The following FETUB variants were observed in gnomAD, a reference collection of about 807,000 sequenced individuals.
FETUB encodes fetuin B.
FETUB carries 28 observed loss-of-function variants against 30.9 expected under a neutral mutation model. That is an observed-to-expected ratio of 0.90 (90% CI 0.67 to 1.24). The LOEUF is 1.24. Ranked by LOEUF, FETUB falls within the 50% of genes most tolerant of loss-of-function variation. The pLI is 0.00. For missense variants in FETUB, 469 were observed against 455.3 expected, an observed-to-expected ratio of 1.03 and a Z score of -0.27; for synonymous variants, 186 against 175.9, an observed-to-expected ratio of 1.06 and a Z score of -0.45.
chr3:186,651,103 C>A, intron 5 of FETUB, 115 bp from the exon 6 acceptor site: 1 of 699,234 alleles, frequency 1.4e-6, no homozygotes, highest in Non-Finnish European at 2.6e-6. Context: ...CTACCTGTTA[C>A]ATAGTAGAAG....
rs774449728 is a variant in FETUB, at chr3:186,652,416, G to A, written c.934G>A (p.Asp312Asn). Residue 312 changes from aspartate (D) to asparagine (N), a missense_variant, in exon 7 of 7, where the codon GAT becomes AAT. Physicochemically the swap from Asp to Asn is conservative, Grantham distance 23 (BLOSUM62 1). Transcript: ENST00000265029. ...TGTCCAATATCTTCCTGACTTGGAT[G>A]ATAAAAATTCCCAGGAAAAGGGCCC... ...GSVQYLPDLD[D>N]KNSQEKGPQE... The A allele has an allele frequency of 5.6e-6, 9 of 1,613,902 alleles. No homozygotes were observed. The highest frequency in any genetic ancestry group is 7.6e-6 in the Non-Finnish European group (9 of 1,179,990).
chr3:186,652,362 T>G lies in FETUB; in HGVS notation c.880T>G (p.Ser294Ala). 1.9e-6 allele frequency: 3 copies of G among 1,565,192 alleles called. No homozygotes were observed. Among genetic ancestry groups the G allele is most frequent in the Non-Finnish European group, 2.6e-6 (3 of 1,142,650 alleles). ...SQQKNTPPTD[S>A]PSKAGPRGSV... The stretch of plus-strand genomic sequence containing the variant: ...GCAGAAAAACACCCCCCCAACAGAC[T>G]CCCCCTCCAAAGCTGGGCCAAGAGG... The change falls in exon 7 of 7, where the codon TCC becomes GCC. Residue 294 changes from serine (S) to alanine (A), a missense_variant. Transcript: ENST00000265029.
intron 5 of FETUB, among the ~76,000 whole-genome samples, chr3:186,647,589 A>G (rs1312726828): frequency 6.6e-6 from 1 of 152,192 alleles, no homozygotes; most frequent in Non-Finnish European, 1.5e-5. Flanking sequence ...CTAATAACTA[A>G]TGATGCTGAG....
At chr3:186,639,492 C>G (rs1377068401), upstream of FETUB, among the ~76,000 whole-genome samples, 1 of 152,110 alleles carries the variant, frequency 6.6e-6, no homozygotes, top group East Asian at 1.9e-4. Flanking sequence ...ATAGAATGCC[C>G]TTCATGATAA....
chr3:186,646,299 T>C lies in FETUB; in HGVS notation c.646T>C (p.Cys216Arg), dbSNP rs139353499. 12 of 1,613,994 alleles carry C rather than the reference T, an allele frequency of 7.4e-6. No homozygotes were observed. Among genetic ancestry groups the C allele is most frequent in the Admixed American group, 1.7e-5 (1 of 60,008 alleles). ...FVEYLIKESP[C>R]TKSQASSCSL... is the part of the protein sequence containing the mutation. ...GGAATACTTAATTAAAGAATCACCA[T>C]GTACTAAATCCCAGGCCAGCAGCTG... Residue 216 changes from cysteine (C) to arginine (R), a missense_variant, in exon 5 of 7, where the codon TGT becomes CGT. Cys to Arg is a radical substitution (Grantham distance 180). Transcript: ENST00000265029.
intron 2 of FETUB, chr3:186,641,946 A>G (rs1717091215): frequency 1.3e-5 from 2 of 152,670 alleles, no homozygotes; most frequent in African/African-American, 2.4e-5. Context: ...CAAAAACTGT[A>G]TACTCACTCT....
intron 6 of FETUB, 48 bp from the exon 7 acceptor site, chr3:186,652,215 G>A (rs756613931): frequency 2.6e-6 from 4 of 1,521,652 alleles, no homozygotes. Flanking sequence ...CTAGGCATGG[G>A]AGGACTTTCC....
At position 186,641,124 on chromosome 3, in the gene FETUB, G is replaced by C. The variant is rs773005796; in HGVS notation, c.320G>C (p.Arg107Thr). ...RKKAWQDCGM[R>T]IFFESVYGQC... ...AAGGCATGGCAAGACTGTGGAATGA[G>C]GATATTTTTTGAATCAGTGAGTGCT... The change falls in exon 2 of 7, where the codon AGG becomes ACG. Residue 107 changes from arginine to threonine, a missense_variant. Transcript: ENST00000265029. 6.2e-7 allele frequency: 1 copy of C among 1,611,732 alleles called. No individual in the cohort carries two copies. The highest frequency in any genetic ancestry group is 1.1e-5 in the South Asian group (1 of 90,904).
intron 3 of FETUB, 78 bp from the exon 4 acceptor site, chr3:186,644,673 C>T (rs1385398693): frequency 6.0e-6 from 7 of 1,157,434 alleles, no homozygotes; most frequent in Non-Finnish European, 8.6e-6. Context: ...CTTCCTCACC[C>T]CATCCTTGCC....
At chr3:186,649,816 T>A (rs1412871366) in intron 5 of FETUB, among the ~76,000 whole-genome samples, 1 of 152,204 alleles carries the variant, frequency 6.6e-6, no homozygotes, top group Admixed American at 6.5e-5. Context: ...TTTTGGAGTC[T>A]TCAGTGTCTG....
At position 186,647,813 on chromosome 3, in the gene FETUB, C is replaced by A. The variant is rs527729594; in HGVS notation, c.696+1464C>A. 1.1e-4 allele frequency among the ~76,000 whole-genome samples: 17 copies of A among 152,112 alleles called. No homozygotes were observed. The East Asian group carries it at 3.3e-3, about 29-fold the overall frequency. ...GTCTATTCACTTTCTTGACAACGTT[C>A]TTTGAAATACAGAAGTTTTAAATTT... On this transcript the variant is annotated intron_variant, in intron 5 of 6. Coordinates refer to ENST00000265029, the MANE Select transcript of FETUB (RefSeq NM_014375.3).
intron 1 of FETUB, 115 bp from the exon 2 acceptor site, chr3:186,640,915 G>T: frequency 1.4e-6 from 1 of 717,544 alleles, no homozygotes; most frequent in Non-Finnish European, 2.4e-6. Context: ...ATGGTTTACG[G>T]GGAATCTTCA....
At position 186,649,731 on chromosome 3, in the gene FETUB, A is replaced by G. The variant is rs537051361; in HGVS notation, c.697-1487A>G. ...AGTGATCCTCCTGCCTCAGCCTCCA[A>G]AAGTGCTGGGATTACAGGCGTGAGC... On this transcript the variant is annotated intron_variant, in intron 5 of 6. Transcript: ENST00000265029. Among the ~76,000 whole-genome samples the G allele has an allele frequency of 3.3e-5, 5 of 152,288 alleles. No homozygotes were observed. In the East Asian group the frequency reaches 9.6e-4, roughly 29 times the overall value.
At position 186,652,342 on chromosome 3, in the gene FETUB, A is replaced by G. The variant is rs1211739058; in HGVS notation, c.860A>G (p.Lys287Arg). 1.2e-6 allele frequency: 2 copies of G among 1,611,296 alleles called. No homozygotes were observed. Among genetic ancestry groups the G allele is most frequent in the Non-Finnish European group, 8.5e-7 (1 of 1,179,158 alleles). ...CCCAAGGTGGAAGAATCCCAGCAGA[A>G]AAACACCCCCCCAACAGACTCCCCC... is the stretch of plus-strand genomic sequence containing the variant. ...NLPKVEESQQ[K>R]NTPPTDSPSK... Residue 287 changes from lysine to arginine, a missense_variant, in exon 7 of 7, where the codon AAA becomes AGA. By Grantham distance (26) the Lys-to-Arg change is conservative. Transcript: ENST00000265029.
intron 5 of FETUB, among the ~76,000 whole-genome samples, chr3:186,649,054 C>A (rs777836527): frequency 1.4e-4 from 22 of 152,208 alleles, no homozygotes; most frequent in Non-Finnish European, 3.1e-4. Context: ...CCAGTGTCAG[C>A]GCCAGGTAGG....
intron 3 of FETUB, among the ~76,000 whole-genome samples, chr3:186,643,835 A>G (rs1225385357): frequency 6.6e-6 from 1 of 152,198 alleles, no homozygotes; most frequent in African/African-American, 2.4e-5. Flanking sequence ...TAAATTCTGT[A>G]CCTTGACTTT....
Position 186,652,439 on chromosome 3 carries a change from C to T in FETUB, c.957C>T (p.Gly319=), listed in dbSNP as rs550454784. ...ATGATAAAAATTCCCAGGAAAAGGGCCCTCAGGAGGCCTTTCCTGTGCATC... is the reference window on the plus strand; with the variant it reads ...ATGATAAAAATTCCCAGGAAAAGGGTCCTCAGGAGGCCTTTCCTGTGCATC... ...DLDDKNSQEK[G]PQEAFPVHLD... Residue 319 remains glycine, a synonymous_variant, in exon 7 of 7, where the codon GGC becomes GGT. Transcript: ENST00000265029. 6 of 1,613,884 alleles carry T rather than the reference C, an allele frequency of 3.7e-6. No individual in the cohort carries two copies. The Admixed American group carries it at 8.3e-5, about 22-fold the overall frequency.
chr3:186,652,730 T>C lies in FETUB; in HGVS notation c.*99T>C. On this transcript the variant is annotated 3_prime_UTR_variant, in exon 7 of 7. Transcript: ENST00000265029. ...ACAGAGCGTGCACACGTAGAGTGGC[T>C]AGTGAAGGACGCCTTTTTGACTCTT... is the stretch of plus-strand genomic sequence containing the variant. The C allele has an allele frequency of 7.1e-7, 1 of 1,409,868 alleles. No homozygotes were observed. Among genetic ancestry groups the C allele is most frequent in the Non-Finnish European group, 9.4e-7 (1 of 1,059,704 alleles). 87.3% of individuals were successfully genotyped at this position (1,409,868 alleles called of 1,614,324 possible). A position where few individuals can be genotyped will look rare whatever the true frequency, so the allele number is the denominator to read the frequency against.
At chr3:186,639,723 A>T (rs1311656013), upstream of FETUB, among the ~76,000 whole-genome samples, 1 of 151,446 alleles carries the variant, frequency 6.6e-6, no homozygotes, top group Non-Finnish European at 1.5e-5. Context: ...GCCCTTCAGT[A>T]TCTTTCTTTT....
Sources: gnomAD v4.1 joint callset for allele counts (sites outside exome capture counted in the v4.1 genomes callset) on GRCh38, gnomAD v4.1.1 for gene constraint, MANE v1.5 for transcripts, NCBI Gene and HGNC (gene_info 2026-07-23, HGNC 2026-07-21) for gene names.